BAZ2B: variants seen among roughly 807,000 people sequenced by gnomAD.
BAZ2B encodes bromodomain adjacent to zinc finger domain 2B.
A neutral mutation model predicts 246.0 loss-of-function variants in BAZ2B; 91 were observed. The ratio of observed to expected loss-of-function variants is 0.37; its 90% CI spans 0.31 to 0.44. The LOEUF is 0.44. Among genes scored for constraint, BAZ2B ranks in the 20% least tolerant of loss-of-function variants. BAZ2B has a pLI of 1.00. For missense variants in BAZ2B, 2,332 were observed against 2,533.7 expected (o/e 0.92, Z 1.71); for synonymous variants, 855 against 860.0 (o/e 0.99, Z 0.10).
chr2:159,569,798 C>G (rs1420187303), intron 1 of BAZ2B, among the ~76,000 whole-genome samples: 1 of 151,888 alleles, frequency 6.6e-6, no homozygotes, highest in Non-Finnish European at 1.5e-5. Flanking sequence ...GCACTCCAGC[C>G]TGGGTGACAG....
intron 2 of BAZ2B, among the ~76,000 whole-genome samples, chr2:159,536,055 T>C (rs1401294800): frequency 2.0e-5 from 3 of 152,226 alleles, no homozygotes. Flanking sequence ...ACAGATTTGC[T>C]GAACACATGA....
At chr2:159,397,510 G>A (rs1042592340) in intron 18 of BAZ2B, 121 bp from the exon 19 acceptor site, 46 of 507,810 alleles carry the variant, frequency 9.1e-5, no homozygotes, top group Admixed American at 2.0e-4. Flanking sequence ...ATATGAAATG[G>A]CCAATATTCA....
chr2:159,460,377 T>C (rs2076259680), intron 3 of BAZ2B: 1 of 152,110 alleles, frequency 6.6e-6, no homozygotes, highest in South Asian at 2.1e-4. Flanking sequence ...TTGTAAGAAC[T>C]AAGTATGTTA....
intron 25 of BAZ2B, among the ~76,000 whole-genome samples, chr2:159,378,812 G>C (rs943827549): frequency 6.6e-6 from 1 of 152,178 alleles, no homozygotes; most frequent in African/African-American, 2.4e-5. Context: ...ACAGACAGGA[G>C]TGTTGGCAAG....
At chr2:159,578,006 T>C (rs1273260611) in intron 1 of BAZ2B, among the ~76,000 whole-genome samples, 1 of 152,180 alleles carries the variant, frequency 6.6e-6, no homozygotes, top group Non-Finnish European at 1.5e-5. Flanking sequence ...CCTACCAAGA[T>C]ATCACCTGCT....
intron 1 of BAZ2B, among the ~76,000 whole-genome samples, chr2:159,564,543 T>C (rs1316357731): frequency 6.6e-6 from 1 of 152,164 alleles, no homozygotes; most frequent in East Asian, 1.9e-4. Context: ...ACGGTAGCCA[T>C]ATTGGTGGTG....
At chr2:159,512,423 A>G (rs1157213908) in intron 2 of BAZ2B, among the ~76,000 whole-genome samples, 2 of 152,216 alleles carry the variant, frequency 1.3e-5, no homozygotes, top group Admixed American at 6.5e-5. Flanking sequence ...GTTCACTTTT[A>G]CAATGAAAAT....
intron 31 of BAZ2B, among the ~76,000 whole-genome samples, chr2:159,341,375 T>C (rs2066682181): frequency 6.6e-6 from 1 of 152,120 alleles, no homozygotes; most frequent in African/African-American, 2.4e-5. Context: ...GAGCACTCAA[T>C]ACATAAAGCA....
intron 1 of BAZ2B, among the ~76,000 whole-genome samples, chr2:159,609,523 T>C (rs1272671922): frequency 6.6e-6 from 1 of 152,174 alleles, no homozygotes; most frequent in Non-Finnish European, 1.5e-5. Flanking sequence ...ATTAGCAATA[T>C]TTCCAAATCC....
chr2:159,634,803 T>A, the BAZ2B span, among the ~76,000 whole-genome samples: 2 of 152,212 alleles, frequency 1.3e-5, no homozygotes, highest in South Asian at 4.1e-4. Flanking sequence ...TGTCACTGAG[T>A]TTTGTTTAAA....
chr2:159,658,901 G>A, the BAZ2B span, among the ~76,000 whole-genome samples: 1 of 152,028 alleles, frequency 6.6e-6, no homozygotes, highest in Non-Finnish European at 1.5e-5. Flanking sequence ...CAATCCTCCC[G>A]CCTCGACCTC....
chr2:159,445,388 G>A (rs952042684), intron 6 of BAZ2B, among the ~76,000 whole-genome samples: 3 of 152,208 alleles, frequency 2.0e-5, no homozygotes, highest in African/African-American at 4.8e-5. Context: ...GGCTAAGGTA[G>A]AGTAATGAAA....
intron 1 of BAZ2B, among the ~76,000 whole-genome samples, chr2:159,580,710 A>T (rs1686552252): frequency 6.6e-6 from 1 of 152,254 alleles, no homozygotes; most frequent in African/African-American, 2.4e-5. Flanking sequence ...TACAGTAACC[A>T]AAACAGACAT....
At chr2:159,404,233 A>G (rs1240577904) in intron 16 of BAZ2B, 1 of 152,186 alleles carries the variant, frequency 6.6e-6, no homozygotes, top group Non-Finnish European at 1.5e-5. Context: ...GAAGCTGAAT[A>G]CCTTCTCACT....
the BAZ2B span, among the ~76,000 whole-genome samples, chr2:159,643,876 C>CAAAAA: frequency 4.6e-4 from 30 of 65,864 alleles, no homozygotes; most frequent in Middle Eastern, 9.1e-3. Flanking sequence ...AACTCCATCA[C>CAAAAA]AAAAAAAAAA....
the BAZ2B span, among the ~76,000 whole-genome samples, chr2:159,653,010 T>G: frequency 6.6e-6 from 1 of 151,980 alleles, no homozygotes; most frequent in Non-Finnish European, 1.5e-5. Context: ...CCATCTCAAC[T>G]CACTGCAACC....
intron 2 of BAZ2B, among the ~76,000 whole-genome samples, chr2:159,546,700 G>A (rs989345761): frequency 1.7e-4 from 25 of 151,452 alleles, no homozygotes; most frequent in African/African-American, 5.8e-4. Context: ...AGGTAGGCAT[G>A]GCATACCACA....
chr2:159,550,122 G>A (rs978326954), intron 2 of BAZ2B, among the ~76,000 whole-genome samples: 1 of 152,134 alleles, frequency 6.6e-6, no homozygotes, highest in Non-Finnish European at 1.5e-5. Flanking sequence ...ATTAAAAAAG[G>A]CGTGAGCCAC....
chr2:159,432,384 G>A (rs2071306188), intron 9 of BAZ2B, among the ~76,000 whole-genome samples: 3 of 47,774 alleles, frequency 6.3e-5, no homozygotes, highest in Non-Finnish European at 2.5e-4. Context: ...TCTGAATGAC[G>A]ACTATAATTT....
Sources: gnomAD v4.1 joint callset for allele counts (sites outside exome capture counted in the v4.1 genomes callset) on GRCh38, gnomAD v4.1.1 for gene constraint, MANE v1.5 for transcripts, NCBI Gene and HGNC (gene_info 2026-07-23, HGNC 2026-07-21) for gene names.